Variants in SPATC1L observed in about 807,000 individuals in gnomAD.
SPATC1L encodes the protein spermatogenesis and centriole associated 1 like.
Under a neutral mutation model 21.2 loss-of-function variants are expected in SPATC1L, and 20 were observed. The ratio of observed to expected loss-of-function variants is 0.94; its 90% CI spans 0.66 to 1.37. SPATC1L has a LOEUF of 1.37. SPATC1L is among the 40% of genes most tolerant of loss of function. The probability of loss-of-function intolerance (pLI) is 0.00; values close to 1 mark genes in which losing one functional copy is unlikely to be tolerated. For synonymous variants in SPATC1L, 290 were observed against 234.5 expected (o/e 1.24, Z -2.16); for missense variants, 499 against 478.7 (o/e 1.04, Z -0.40).
rs1210034513 is a variant in SPATC1L at position 46,161,324 on chromosome 21, C to T, written c.*55G>A. 19 of 1,434,600 alleles carry T rather than the reference C, an allele frequency of 1.3e-5. No individual in the cohort carries two copies. Among genetic ancestry groups the T allele is most frequent in the Non-Finnish European group, 1.6e-5 (18 of 1,094,950 alleles). The allele number at this position is 1,434,600 out of a possible 1,614,324, so 88.9% of individuals were successfully genotyped here. ...GGGGGACGCGCAGGAGGCACCGCGG[C>T]CCCGGGTTGGAACAAACGCGTTTAC... On this transcript the variant is annotated 3_prime_UTR_variant, in exon 5 of 5. Transcript: ENST00000291672.
In SPATC1L at chr21:46,162,345, C is replaced by T. The variant is rs79530301; in HGVS notation, c.545-278G>A. Among the ~76,000 whole-genome samples, 10 of 152,134 alleles carry T rather than the reference C, an allele frequency of 6.6e-5. No individual in the cohort carries two copies. The East Asian group carries it at 1.4e-3, about 21-fold the overall frequency. Reference sequence around the variant, plus strand: ...GGGTGGGGACTGGTCCCCTGTCACGCGGGAGTCTGCCCCAGCGTCGGCCCC... The same window carrying T: ...GGGTGGGGACTGGTCCCCTGTCACGTGGGAGTCTGCCCCAGCGTCGGCCCC... On this transcript the variant is annotated intron_variant, in intron 3 of 4. Transcript: ENST00000291672.
intron 2 of SPATC1L, among the ~76,000 whole-genome samples, chr21:46,174,878 G>C (rs1023306255): frequency 6.6e-6 from 1 of 152,170 alleles, no homozygotes; most frequent in African/African-American, 2.4e-5. Context: ...TTGCCACATG[G>C]CACACACTCT....
intron 2 of SPATC1L, among the ~76,000 whole-genome samples, chr21:46,172,095 A>C (rs2079595625): frequency 2.1e-5 from 1 of 47,438 alleles, no homozygotes; most frequent in African/African-American, 5.1e-5. Context: ...ACAGAGCATG[A>C]GGCAGGAGTG....
rs1601370942 is a variant in SPATC1L, at chr21:46,161,302, G to T, written c.*77C>A. On this transcript the variant is annotated 3_prime_UTR_variant, in exon 5 of 5. Transcript: ENST00000291672. ...GGACGCGGCCCTTTCCCCTCCGGGG[G>T]GACGCGCAGGAGGCACCGCGGCCCC... The T allele has an allele frequency of 1.5e-6, 2 of 1,344,306 alleles. No homozygotes were observed. Among genetic ancestry groups the T allele is most frequent in the African/African-American group, 1.5e-5 (1 of 65,862 alleles). The allele number at this position is 1,344,306 out of a possible 1,614,324, so 83.3% of individuals were successfully genotyped here. A position where few individuals can be genotyped will look rare whatever the true frequency, so the allele number is the denominator to read the frequency against.
Position 46,168,643 on chromosome 21 carries a change from C to T in SPATC1L, c.209G>A (p.Arg70Lys). ...GGGCGTGTCGGCAACACTCGTGAAC[C>T]TTCCGAAATCTGGAACTGAGGCGGG... ...SPGSGVPDFG[R>K]FTSVADTPSQ... Residue 70 changes from arginine (R) to lysine (K), a missense_variant, in exon 3 of 5, where the codon AGG (arginine) becomes AAG (lysine). Physicochemically the swap from Arg to Lys is conservative, Grantham distance 26. Coordinates refer to ENST00000291672, the MANE Select transcript of SPATC1L (RefSeq NM_001142854.2). 7.3e-7 allele frequency: 1 copy of T among 1,371,718 alleles called. No individual in the cohort carries two copies. The highest frequency in any genetic ancestry group is 9.5e-7 in the Non-Finnish European group (1 of 1,050,258). 85.0% of individuals were successfully genotyped at this position (1,371,718 alleles called of 1,614,324 possible). A position where few individuals can be genotyped will look rare whatever the true frequency, so the allele number is the denominator to read the frequency against.
chr21:46,179,783 G>T (rs935723412), intron 2 of SPATC1L, among the ~76,000 whole-genome samples: 1 of 152,246 alleles, frequency 6.6e-6, no homozygotes, highest in Non-Finnish European at 1.5e-5. Context: ...GTGCTGGAGG[G>T]ACCAGGACAA....
intron 3 of SPATC1L, among the ~76,000 whole-genome samples, chr21:46,163,368 G>C (rs1469911431): frequency 6.6e-6 from 1 of 152,142 alleles, no homozygotes; most frequent in African/African-American, 2.4e-5. Flanking sequence ...CAATTTGTCT[G>C]TTTCTCTCTT....
chr21:46,164,039 G>A (rs1203365195), intron 3 of SPATC1L, among the ~76,000 whole-genome samples: 3 of 152,020 alleles, frequency 2.0e-5, no homozygotes, highest in South Asian at 2.1e-4. Flanking sequence ...AAAGGGTCTC[G>A]CTCTGTCACC....
chr21:46,162,662 C>G (rs1026412291), intron 3 of SPATC1L, among the ~76,000 whole-genome samples: 1 of 150,258 alleles, frequency 6.7e-6, no homozygotes, highest in African/African-American at 2.5e-5. Context: ...TCTCCACTCA[C>G]CGCAACCTCC....
intron 2 of SPATC1L, among the ~76,000 whole-genome samples, chr21:46,178,776 A>G (rs1288601763): frequency 6.6e-6 from 1 of 152,092 alleles, no homozygotes; most frequent in Non-Finnish European, 1.5e-5. Flanking sequence ...AATTCCAGCT[A>G]CTGGGGAGGG....
chr21:46,162,731 G>A (rs955230055), intron 3 of SPATC1L, among the ~76,000 whole-genome samples: 7 of 151,736 alleles, frequency 4.6e-5, no homozygotes, highest in Admixed American at 2.0e-4. Flanking sequence ...GACTACAGCC[G>A]CGTGCCACCA....
intron 3 of SPATC1L, among the ~76,000 whole-genome samples, chr21:46,163,956 A>G (rs1382440878): frequency 6.6e-6 from 1 of 152,190 alleles, no homozygotes; most frequent in Non-Finnish European, 1.5e-5. Context: ...AACAATATAA[A>G]GTCTTCTAAT....
At chr21:46,175,474 A>T (rs2079625916) in intron 2 of SPATC1L, among the ~76,000 whole-genome samples, 1 of 152,162 alleles carries the variant, frequency 6.6e-6, no homozygotes, top group Non-Finnish European at 1.5e-5. Context: ...AATAAGGGAT[A>T]TATTACTACT....
intron 3 of SPATC1L, among the ~76,000 whole-genome samples, chr21:46,167,037 C>A (rs1475459892): frequency 6.6e-6 from 1 of 152,086 alleles, no homozygotes; most frequent in East Asian, 1.9e-4. Context: ...CAAAACAAGT[C>A]TTTAAAAATC....
intron 2 of SPATC1L, among the ~76,000 whole-genome samples, chr21:46,181,539 C>T (rs1010562789): frequency 6.6e-6 from 1 of 152,244 alleles, no homozygotes; most frequent in East Asian, 1.9e-4. Flanking sequence ...CGGAGAGTGC[C>T]TCCTGCACAC....
intron 2 of SPATC1L, among the ~76,000 whole-genome samples, chr21:46,175,689 C>T (rs1287895567): frequency 6.6e-6 from 1 of 152,098 alleles, no homozygotes; most frequent in Non-Finnish European, 1.5e-5. Flanking sequence ...CAAAAAAAGC[C>T]AGGACCAGAT....
chr21:46,181,988 C>T (rs2079677715), intron 2 of SPATC1L, among the ~76,000 whole-genome samples: 1 of 152,154 alleles, frequency 6.6e-6, no homozygotes, highest in Admixed American at 6.5e-5. Context: ...TATATATATA[C>T]TTTTTTCAGT....
At position 46,168,432 on chromosome 21, in the gene SPATC1L, C is replaced by T; in HGVS notation, c.420G>A (p.Leu140=). ...GGGTCTTGTCCACCAGTGAGTCTTGCAAGGGGCTCAGGAGCGGGGACAGCT... is the reference window on the plus strand; with the variant it reads ...GGGTCTTGTCCACCAGTGAGTCTTGTAAGGGGCTCAGGAGCGGGGACAGCT... ...DRKLSPLLSP[L]QDSLVDKTLL... Residue 140 remains leucine (L), a synonymous_variant, in exon 3 of 5, where the codon TTG becomes TTA. Transcript: ENST00000291672. 6.2e-7 allele frequency: 1 copy of T among 1,611,374 alleles called. No individual in the cohort carries two copies. The highest frequency in any genetic ancestry group is 8.5e-7 in the Non-Finnish European group (1 of 1,178,618).
At chr21:46,163,324 T>G (rs1021809946) in intron 3 of SPATC1L, among the ~76,000 whole-genome samples, 4 of 152,262 alleles carry the variant, frequency 2.6e-5, no homozygotes, top group South Asian at 2.1e-4. Context: ...CACAAAAGTT[T>G]GTTTTTTTGT....
Sources: gnomAD v4.1 joint callset for allele counts (sites outside exome capture counted in the v4.1 genomes callset) on GRCh38, gnomAD v4.1.1 for gene constraint, MANE v1.5 for transcripts, NCBI Gene and HGNC (gene_info 2026-07-23, HGNC 2026-07-21) for gene names.